The following AADACL3 variants were observed in gnomAD, a reference collection of about 807,000 sequenced individuals.
AADACL3 encodes the protein arylacetamide deacetylase-like 3.
In AADACL3, 13 loss-of-function variants were observed where a neutral mutation model predicts 13.6. The observed-to-expected ratio is 0.95, with a 90% CI of 0.62 to 1.52. The LOEUF is 1.52. Among genes scored for constraint, AADACL3 ranks in the 40% most tolerant of loss-of-function variants. The probability of loss-of-function intolerance (pLI) is 0.00; values close to 1 mark genes in which losing one functional copy is unlikely to be tolerated. For missense variants in AADACL3, 519 were observed against 499.2 expected, an observed-to-expected ratio of 1.04 and a Z score of -0.38; for synonymous variants, 195 against 197.0, an observed-to-expected ratio of 0.99 and a Z score of 0.08.
chr1:12,723,640 G>T (rs1638309025), intron 3 of AADACL3, among the ~76,000 whole-genome samples: 1 of 151,954 alleles, frequency 6.6e-6, no homozygotes, highest in African/African-American at 2.4e-5. Flanking sequence ...ACCACGCCTG[G>T]CTAATTTTTT....
In AADACL3 at chr1:12,728,144, G is replaced by A. The variant is rs1455596248; in HGVS notation, c.*2148G>A. 6.6e-6 allele frequency: 1 copy of A among 152,128 alleles called. No homozygotes were observed. Among genetic ancestry groups the A allele is most frequent in the Non-Finnish European group, 1.5e-5 (1 of 68,050 alleles). 9.4% of individuals were successfully genotyped at this position (152,128 alleles called of 1,614,324 possible). A position where few individuals can be genotyped will look rare whatever the true frequency, so the allele number is the denominator to read the frequency against. On this transcript the variant is annotated 3_prime_UTR_variant, in exon 4 of 4. Coordinates refer to ENST00000359318, the MANE Select transcript of AADACL3 (RefSeq NM_001103170.3). ...TTACCACATCACCACTATCCTTCCT[G>A]CAATACATCCACGAGACTCACTGAG...
chr1:12,726,138 C>T lies in AADACL3; in HGVS notation c.*142C>T, dbSNP rs3010883. The T allele has an allele frequency of 2.1e-3, 1,928 of 902,780 alleles. 21 individuals are homozygous for T. In the African/African-American group the frequency reaches 0.029, roughly 14 times the overall value. 55.9% of individuals were successfully genotyped at this position (902,780 alleles called of 1,614,324 possible). ...TGCTGTCACCTTTCTGGTCCAGGTTCTAGAACCACACAATGCATGCTCCTG... is the reference window on the plus strand; with the variant it reads ...TGCTGTCACCTTTCTGGTCCAGGTTTTAGAACCACACAATGCATGCTCCTG... On this transcript the variant is annotated 3_prime_UTR_variant, in exon 4 of 4. Coordinates refer to ENST00000359318, the MANE Select transcript of AADACL3 (RefSeq NM_001103170.3).
rs965841832 is a variant in AADACL3 at position 12,716,633 on chromosome 1, G to A, written c.168+289G>A. ...GGTTCTATTCACCTGAGTGTCTCCCGCTGACTTTCTTTTTGTTGTTGTTGG... is the reference window on the plus strand; with the variant it reads ...GGTTCTATTCACCTGAGTGTCTCCCACTGACTTTCTTTTTGTTGTTGTTGG... On this transcript the variant is annotated intron_variant, in intron 1 of 3. Transcript: ENST00000359318. Among the ~76,000 whole-genome samples, 18 of 152,254 alleles carry A rather than the reference G, an allele frequency of 1.2e-4. No individual in the cohort carries two copies. In the South Asian group the frequency reaches 2.3e-3, roughly 19 times the overall value.
In AADACL3 at chr1:12,725,795, C is replaced by T. The variant is rs189878282; in HGVS notation, c.1023C>T (p.Ile341=). Reference sequence around the variant, plus strand: ...TGTCTCAGCTCCCGGAAACCTGCATCGTGAGCTGTGAGTATGATGCTCTCC... The same window carrying T: ...TGTCTCAGCTCCCGGAAACCTGCATTGTGAGCTGTGAGTATGATGCTCTCC... ...DIVSQLPETC[I]VSCEYDALRD... Residue 341 remains isoleucine (I), a synonymous_variant, in exon 4 of 4, where the codon ATC becomes ATT. Coordinates refer to ENST00000359318, the MANE Select transcript of AADACL3 (RefSeq NM_001103170.3). 23 of 1,614,164 alleles carry T rather than the reference C, an allele frequency of 1.4e-5. No individual in the cohort carries two copies. In the East Asian group the frequency reaches 2.7e-4, roughly 19 times the overall value.
In AADACL3 at chr1:12,727,974, T is replaced by C. The variant is rs1303143250; in HGVS notation, c.*1978T>C. ...CAGGGCCATGCCCAGTAGAGAGGAA[T>C]GTATAACATTTTAAGAGGCTGAGAG... On this transcript the variant is annotated 3_prime_UTR_variant, in exon 4 of 4. Coordinates refer to ENST00000359318, the MANE Select transcript of AADACL3 (RefSeq NM_001103170.3). 2.0e-5 allele frequency: 3 copies of C among 152,238 alleles called. No homozygotes were observed. The highest frequency in any genetic ancestry group is 6.5e-5 in the Admixed American group (1 of 15,284). 9.4% of individuals were successfully genotyped at this position (152,238 alleles called of 1,614,324 possible). A position where few individuals can be genotyped will look rare whatever the true frequency, so the allele number is the denominator to read the frequency against.
Position 12,720,947 on chromosome 1 carries a change from G to C in AADACL3, c.449+1G>C, listed in dbSNP as rs1462244743. 1 of 1,607,508 alleles carries C rather than the reference G, an allele frequency of 6.2e-7. No individual in the cohort carries two copies. The highest frequency in any genetic ancestry group is 1.1e-5 in the South Asian group (1 of 91,010). On this transcript the variant is annotated splice_donor_variant, in intron 3 of 3. Coordinates refer to ENST00000359318, the MANE Select transcript of AADACL3 (RefSeq NM_001103170.3). LOFTEE classifies it high-confidence loss of function. ...GTGACTCCGTGGTTCTGGCAGTTGGGTGAGTAAAGGGGAGATCCCAGGGAG... is the reference window on the plus strand; with the variant it reads ...GTGACTCCGTGGTTCTGGCAGTTGGCTGAGTAAAGGGGAGATCCCAGGGAG...
rs898160161 is a variant in AADACL3 at position 12,726,239 on chromosome 1, C to G, written c.*243C>G. 3.9e-6 allele frequency: 2 copies of G among 516,130 alleles called. No individual in the cohort carries two copies. Among genetic ancestry groups the G allele is most frequent in the Non-Finnish European group, 3.4e-6 (1 of 294,344 alleles). The allele number at this position is 516,130 out of a possible 1,614,324, so 32.0% of individuals were successfully genotyped here. A position where few individuals can be genotyped will look rare whatever the true frequency, so the allele number is the denominator to read the frequency against. ...TGTCTCTATTCTCTGTTGGGAAAAC[C>G]TGGGCTGACAATATTCAGTGGCCAT... On this transcript the variant is annotated 3_prime_UTR_variant, in exon 4 of 4. Transcript: ENST00000359318.
chr1:12,722,999 T>A (rs4845914), intron 3 of AADACL3, among the ~76,000 whole-genome samples: 49,498 of 152,000 alleles, frequency 0.33, 8,771 homozygotes, highest in African/African-American at 0.48. Context: ...CTAATTTATT[T>A]AAAAATTTTT....
In AADACL3 at chr1:12,727,501, G is replaced by C. The variant is rs1638393718; in HGVS notation, c.*1505G>C. ...AAATTCTTTTGAAAGGAATGGCCAG[G>C]GTCCTCTGCTGGCCCCACTTGGTCT... On this transcript the variant is annotated 3_prime_UTR_variant, in exon 4 of 4. Transcript: ENST00000359318. 6.6e-6 allele frequency: 1 copy of C among 152,226 alleles called. No homozygotes were observed. Among genetic ancestry groups the C allele is most frequent in the Admixed American group, 6.5e-5 (1 of 15,278 alleles). The allele number at this position is 152,226 out of a possible 1,614,324, so 9.4% of individuals were successfully genotyped here.
Position 12,716,248 on chromosome 1 carries a change from T to C in AADACL3, c.72T>C (p.Ile24=). ...CACTAGGGGTCACTCTGTGGGTCAT[T>C]TGCAGCCATTTTTTCACTGTGCACA... The part of the protein sequence containing the change: ...VFSLGVTLWV[I]CSHFFTVHIP... Residue 24 remains isoleucine (I), a synonymous_variant, in exon 1 of 4, where the codon ATT becomes ATC. Coordinates refer to ENST00000359318, the MANE Select transcript of AADACL3 (RefSeq NM_001103170.3). The C allele has an allele frequency of 6.5e-7, 1 of 1,538,214 alleles. No individual in the cohort carries two copies. Among genetic ancestry groups the C allele is most frequent in the Non-Finnish European group, 9.0e-7 (1 of 1,111,318 alleles).
In AADACL3 at chr1:12,720,898, T is replaced by C; in HGVS notation, c.401T>C (p.Ile134Thr). The change falls in exon 3 of 4, where the codon ATA becomes ACA. Residue 134 changes from isoleucine to threonine, a missense_variant. Physicochemically the swap from Ile to Thr is moderately conservative, Grantham distance 89. Coordinates refer to ENST00000359318, the MANE Select transcript of AADACL3 (RefSeq NM_001103170.3). Reference protein sequence around the residue: ...VMGSLKTHHGICSRLCKESDS... With the variant: ...VMGSLKTHHGTCSRLCKESDS... ...TATTTTCTAGAAACCCACCATGGCA[T>C]ATGCTCTCGTTTGTGCAAGGAGAGT... 1.2e-6 allele frequency: 2 copies of C among 1,609,994 alleles called. No individual in the cohort carries two copies. Among genetic ancestry groups the C allele is most frequent in the Non-Finnish European group, 1.7e-6 (2 of 1,177,326 alleles).
chr1:12,723,228 G>A (rs1407246601), intron 3 of AADACL3, among the ~76,000 whole-genome samples: 1 of 151,816 alleles, frequency 6.6e-6, no homozygotes, highest in Admixed American at 6.6e-5. Flanking sequence ...ATAAAAGTGA[G>A]CTATACATAT....
chr1:12,721,978 T>A (rs1293689689), intron 3 of AADACL3, among the ~76,000 whole-genome samples: 1 of 152,138 alleles, frequency 6.6e-6, no homozygotes, highest in Non-Finnish European at 1.5e-5. Flanking sequence ...GTTCTCTGCA[T>A]CTCAGTGGGG....
chr1:12,716,154 G>A lies in AADACL3; in HGVS notation c.-23G>A. The A allele has an allele frequency of 1.4e-6, 1 of 722,106 alleles. No individual in the cohort carries two copies. 44.7% of individuals were successfully genotyped at this position (722,106 alleles called of 1,614,324 possible). A position where few individuals can be genotyped will look rare whatever the true frequency, so the allele number is the denominator to read the frequency against. The stretch of plus-strand genomic sequence containing the variant: ...TTACACTGCGCACAGCTTCCTCTCA[G>A]CCCGCTCTGAGCTGGAAGCAGCATG... On this transcript the variant is annotated 5_prime_UTR_variant, in exon 1 of 4. Coordinates refer to ENST00000359318, the MANE Select transcript of AADACL3 (RefSeq NM_001103170.3).
At chr1:12,717,093 A>G (rs1224428496) in intron 1 of AADACL3, among the ~76,000 whole-genome samples, 1 of 152,226 alleles carries the variant, frequency 6.6e-6, no homozygotes, top group African/African-American at 2.4e-5. Context: ...CTGAATATAC[A>G]AAATATTTTT....
At chr1:12,722,092 C>A (rs556966275) in intron 3 of AADACL3, among the ~76,000 whole-genome samples, 6 of 152,196 alleles carry the variant, frequency 3.9e-5, no homozygotes, top group Admixed American at 2.6e-4. Flanking sequence ...AGCACGAGGC[C>A]AAGGTGGGTG....
At position 12,725,793 on chromosome 1, in the gene AADACL3, A is replaced by T. The variant is rs935914042; in HGVS notation, c.1021A>T (p.Ile341Phe). ...AGTGTCTCAGCTCCCGGAAACCTGC[A>T]TCGTGAGCTGTGAGTATGATGCTCT... The part of the protein sequence containing the change: ...DIVSQLPETC[I>F]VSCEYDALRD... The change falls in exon 4 of 4, where the codon ATC becomes TTC. Residue 341 changes from isoleucine (I) to phenylalanine (F), a missense_variant. Ile to Phe is a conservative substitution (Grantham distance 21). Coordinates refer to ENST00000359318, the MANE Select transcript of AADACL3 (RefSeq NM_001103170.3). The T allele has an allele frequency of 6.2e-7, 1 of 1,614,064 alleles. No homozygotes were observed. Among genetic ancestry groups the T allele is most frequent in the African/African-American group, 1.3e-5 (1 of 74,922 alleles).
chr1:12,716,437 C>A, intron 1 of AADACL3, 93 bp downstream of exon 1: 2 of 1,530,608 alleles, frequency 1.3e-6, no homozygotes, highest in Non-Finnish European at 1.8e-6. Flanking sequence ...TGAATGAACA[C>A]CGGTATCATG....
At position 12,716,283 on chromosome 1, in the gene AADACL3, C is replaced by A; in HGVS notation, c.107C>A (p.Ala36Glu). Residue 36 changes from alanine (A) to glutamate (E), a missense_variant, in exon 1 of 4, where the codon GCG becomes GAG. Coordinates refer to ENST00000359318, the MANE Select transcript of AADACL3 (RefSeq NM_001103170.3). ...SHFFTVHIPA[A>E]VGHPVKLRVL... ...TTTTTCACTGTGCACATCCCTGCAG[C>A]GGTTGGCCACCCTGTGAAACTGAGA... The A allele has an allele frequency of 3.7e-6, 6 of 1,611,116 alleles. 1 individual carries two copies. Among genetic ancestry groups the A allele is most frequent in the Non-Finnish European group, 5.1e-6 (6 of 1,177,298 alleles).
Sources: allele counts gnomAD v4.1 joint callset (sites outside exome capture counted in the v4.1 genomes callset), GRCh38; gene constraint gnomAD v4.1.1; transcripts MANE v1.5; gene names NCBI Gene and HGNC (gene_info 2026-07-23, HGNC 2026-07-21).